The following ARHGAP26 variants were observed in gnomAD, a reference collection of about 807,000 sequenced individuals.
The protein encoded by ARHGAP26 is Rho GTPase activating protein 26, also known as rho GTPase-activating protein 26.
In ARHGAP26, 38 loss-of-function variants were observed where a neutral mutation model predicts 104.8. That is an observed-to-expected ratio of 0.36 (90% CI 0.28 to 0.48). ARHGAP26 has a LOEUF of 0.48. Ranked by LOEUF, ARHGAP26 falls within the 20% of genes least tolerant of loss-of-function variation. The pLI, the probability that ARHGAP26 is intolerant of heterozygous loss-of-function variation, is 0.99. For synonymous variants in ARHGAP26, 341 were observed against 340.0 expected, an observed-to-expected ratio of 1.00 and a Z score of -0.03; for missense variants, 704 against 947.9, an observed-to-expected ratio of 0.74 and a Z score of 3.38.
intron 11 of ARHGAP26, among the ~76,000 whole-genome samples, chr5:142,946,214 G>A (rs1410775782): frequency 6.6e-6 from 1 of 152,040 alleles, no homozygotes; most frequent in Non-Finnish European, 1.5e-5. Context: ...TATTGCTTTT[G>A]AACATTGTAT....
intron 12 of ARHGAP26, among the ~76,000 whole-genome samples, chr5:143,027,531 C>G (rs529021862): frequency 6.9e-6 from 1 of 144,500 alleles, no homozygotes; most frequent in South Asian, 2.4e-4. Flanking sequence ...AATTTGCTTA[C>G]TGGTTTTAAA....
intron 6 of ARHGAP26, among the ~76,000 whole-genome samples, 153 bp downstream of exon 6, chr5:142,894,501 C>T (rs756882063): frequency 3.3e-5 from 5 of 152,234 alleles, no homozygotes; most frequent in Non-Finnish European, 5.9e-5. Context: ...GCGAGCCTGG[C>T]TGCCTTGGAT....
chr5:142,955,396 G>A (rs1228220104), intron 11 of ARHGAP26, among the ~76,000 whole-genome samples: 4 of 152,118 alleles, frequency 2.6e-5, no homozygotes, highest in Non-Finnish European at 1.5e-5. Flanking sequence ...AGGAAATATG[G>A]TACATAGAAA....
intron 20 of ARHGAP26, among the ~76,000 whole-genome samples, chr5:143,150,644 A>C (rs1028783616): frequency 6.6e-6 from 1 of 152,248 alleles, no homozygotes; most frequent in African/African-American, 2.4e-5. Flanking sequence ...CACCAAAAAA[A>C]GACTTGAACA....
At chr5:142,810,299 C>T (rs1408990217) in intron 1 of ARHGAP26, among the ~76,000 whole-genome samples, 2 of 152,120 alleles carry the variant, frequency 1.3e-5, no homozygotes, top group African/African-American at 4.8e-5. Flanking sequence ...CAGGGCTGAG[C>T]TAAGCTACCA....
chr5:142,961,950 G>A (rs1770327198), intron 11 of ARHGAP26, among the ~76,000 whole-genome samples: 1 of 152,120 alleles, frequency 6.6e-6, no homozygotes, highest in South Asian at 2.1e-4. Flanking sequence ...TTTCCTGGTA[G>A]AAATTACACA....
intron 11 of ARHGAP26, among the ~76,000 whole-genome samples, chr5:142,963,186 A>ATGTATG (rs1770627922): frequency 1.0e-5 from 1 of 100,226 alleles, no homozygotes; most frequent in African/African-American, 7.3e-5. Context: ...ATATATATAT[A>ATGTATG]TATATATATA....
chr5:143,032,531 C>T (rs973697154), intron 12 of ARHGAP26, among the ~76,000 whole-genome samples: 2 of 152,172 alleles, frequency 1.3e-5, no homozygotes, highest in Non-Finnish European at 2.9e-5. Context: ...TAAGGACAGC[C>T]GCCTCCATCT....
At chr5:143,073,080 A>G (rs961754646) in intron 17 of ARHGAP26, among the ~76,000 whole-genome samples, 10 of 152,206 alleles carry the variant, frequency 6.6e-5, no homozygotes, top group Admixed American at 6.5e-4. Context: ...GTTAAATCTG[A>G]TCTTAGCTGA....
chr5:143,139,210 A>C (rs1247092257), intron 19 of ARHGAP26, among the ~76,000 whole-genome samples: 1 of 152,210 alleles, frequency 6.6e-6, no homozygotes, highest in African/African-American at 2.4e-5. Flanking sequence ...AATAACAATA[A>C]AAATAAAAAT....
chr5:142,944,933 C>A (rs1347848813), intron 11 of ARHGAP26, among the ~76,000 whole-genome samples: 1 of 152,154 alleles, frequency 6.6e-6, no homozygotes, highest in Non-Finnish European at 1.5e-5. Flanking sequence ...GCGCCGCCCC[C>A]TCCCCAACCC....
chr5:142,880,642 C>T (rs2152388034), intron 4 of ARHGAP26, among the ~76,000 whole-genome samples: 1 of 152,274 alleles, frequency 6.6e-6, no homozygotes, highest in South Asian at 2.1e-4. Flanking sequence ...ACGTTTTCTT[C>T]CTGTTTTTCT....
chr5:142,867,206 TAGTGGCCAC>T (rs1754443545), intron 1 of ARHGAP26, among the ~76,000 whole-genome samples: 1 of 152,084 alleles, frequency 6.6e-6, no homozygotes, highest in Non-Finnish European at 1.5e-5. Flanking sequence ...GATTGCCACC[TAGTGGCCAC>T]AGGTAAGACC....
At chr5:142,907,873 A>C in intron 9 of ARHGAP26, 69 bp downstream of exon 9, 1 of 1,060,864 alleles carries the variant, frequency 9.4e-7, no homozygotes, top group South Asian at 1.6e-5. Context: ...ATGCATGTAT[A>C]AAGTAACACC....
intron 11 of ARHGAP26, among the ~76,000 whole-genome samples, chr5:143,013,293 C>A (rs1056695005): frequency 2.6e-5 from 4 of 152,072 alleles, no homozygotes; most frequent in African/African-American, 9.7e-5. Context: ...GTAGAAGTAC[C>A]TACATAATGT....
At chr5:143,043,837 G>C (rs1783829498) in intron 14 of ARHGAP26, among the ~76,000 whole-genome samples, 1 of 152,234 alleles carries the variant, frequency 6.6e-6, no homozygotes, top group South Asian at 2.1e-4. Context: ...TGCTTAATCT[G>C]TGCTGGGTCT....
chr5:142,883,930 G>C (rs1383935453), intron 4 of ARHGAP26, among the ~76,000 whole-genome samples: 1 of 152,196 alleles, frequency 6.6e-6, no homozygotes, highest in East Asian at 1.9e-4. Flanking sequence ...GCCTAAAGTA[G>C]AGCCTTACAC....
chr5:142,966,816 A>C (rs1254993956), intron 11 of ARHGAP26, among the ~76,000 whole-genome samples: 1 of 152,250 alleles, frequency 6.6e-6, no homozygotes. Flanking sequence ...GTTATCTTTT[A>C]AAAGTGTAAT....
chr5:142,771,051 G>A (rs1755086252), intron 1 of ARHGAP26, 136 bp downstream of exon 1: 1 of 1,397,038 alleles, frequency 7.2e-7, no homozygotes, highest in East Asian at 2.8e-5. Flanking sequence ...ACGCCTCCGA[G>A]GCAGGAAGGA....
Sources: gnomAD v4.1 joint callset for allele counts (sites outside exome capture counted in the v4.1 genomes callset) on GRCh38, gnomAD v4.1.1 for gene constraint, MANE v1.5 for transcripts, NCBI Gene and HGNC (gene_info 2026-07-23, HGNC 2026-07-21) for gene names.